The following IGF2BP2 variants were observed in gnomAD, a reference collection of about 807,000 sequenced individuals.
IGF2BP2 encodes insulin-like growth factor 2 mRNA-binding protein 2.
Under a neutral mutation model 75.8 loss-of-function variants are expected in IGF2BP2, and 17 were observed. That is an observed-to-expected ratio of 0.22 (90% CI 0.15 to 0.34). The LOEUF (loss-of-function observed/expected upper bound fraction) is 0.34, where lower values mean the gene tolerates loss of function less well. Ranked by LOEUF, IGF2BP2 falls within the 10% of genes least tolerant of loss-of-function variation. IGF2BP2 has a pLI of 1.00. For synonymous variants in IGF2BP2, 288 were observed against 295.6 expected, an observed-to-expected ratio of 0.97 and a Z score of 0.26; for missense variants, 516 against 772.4, an observed-to-expected ratio of 0.67 and a Z score of 3.93.
At chr3:185,798,690 C>G (rs371530121) in intron 2 of IGF2BP2, among the ~76,000 whole-genome samples, 1 of 151,974 alleles carries the variant, frequency 6.6e-6, no homozygotes, top group African/African-American at 2.4e-5. Context: ...CCTGCTTTTA[C>G]GAGGGAGTTT....
chr3:185,818,570 C>CA (rs1211962289), intron 2 of IGF2BP2, among the ~76,000 whole-genome samples: 1 of 152,148 alleles, frequency 6.6e-6, no homozygotes, highest in Non-Finnish European at 1.5e-5. Context: ...CTGTCCCCAA[C>CA]AAAAAACATA....
intron 2 of IGF2BP2, among the ~76,000 whole-genome samples, chr3:185,761,983 G>C (rs1336893887): frequency 6.6e-6 from 1 of 152,216 alleles, no homozygotes; most frequent in Non-Finnish European, 1.5e-5. Context: ...AACTGCTGTA[G>C]ATATTCTACC....
intron 2 of IGF2BP2, among the ~76,000 whole-genome samples, chr3:185,742,365 G>A (rs772541718): frequency 5.3e-5 from 8 of 152,040 alleles, no homozygotes; most frequent in Non-Finnish European, 7.4e-5. Flanking sequence ...GCATGGTGCC[G>A]GGTGCCCGTA....
At chr3:185,769,158 C>A (rs558781080) in intron 2 of IGF2BP2, among the ~76,000 whole-genome samples, 1 of 152,166 alleles carries the variant, frequency 6.6e-6, no homozygotes, top group East Asian at 1.9e-4. Flanking sequence ...GCCTGGGCAA[C>A]ACAGCAAAAC....
At chr3:185,729,987 G>T (rs1412361485) in intron 2 of IGF2BP2, among the ~76,000 whole-genome samples, 1 of 152,120 alleles carries the variant, frequency 6.6e-6, no homozygotes, top group Non-Finnish European at 1.5e-5. Flanking sequence ...TATTGTTTTG[G>T]TTTTCATGTC....
intron 2 of IGF2BP2, among the ~76,000 whole-genome samples, chr3:185,802,392 A>G (rs903855444): frequency 3.3e-5 from 5 of 152,112 alleles, no homozygotes; most frequent in African/African-American, 4.8e-5. Flanking sequence ...AGTTTGCCCA[A>G]GGTTTCTTTC....
At chr3:185,775,204 A>C (rs1377029555) in intron 2 of IGF2BP2, among the ~76,000 whole-genome samples, 1 of 152,198 alleles carries the variant, frequency 6.6e-6, no homozygotes, top group Non-Finnish European at 1.5e-5. Flanking sequence ...AGCATTTACA[A>C]CAATACCTGC....
chr3:185,751,408 T>C (rs1730947774), intron 2 of IGF2BP2, among the ~76,000 whole-genome samples: 1 of 151,626 alleles, frequency 6.6e-6, no homozygotes, highest in African/African-American at 2.4e-5. Context: ...TAAAACCCCA[T>C]CTCTACTAAA....
At chr3:185,683,290 G>A (rs1026623685) in intron 7 of IGF2BP2, among the ~76,000 whole-genome samples, 1 of 152,228 alleles carries the variant, frequency 6.6e-6, no homozygotes, top group Non-Finnish European at 1.5e-5. Context: ...AGAGGGAAAA[G>A]AGAGTTGTTT....
rs144516117 is a variant in IGF2BP2 at position 185,773,193 on chromosome 3, T to C, written c.239+49960A>G. ...AAAAAGATAGCTGGCCACATTTTTA[T>C]ACCTCCTAGGTGCTATTCTAACTCC... On this transcript the variant is annotated intron_variant, in intron 2 of 15. Coordinates refer to ENST00000382199, the MANE Select transcript of IGF2BP2 (RefSeq NM_006548.6). Among the ~76,000 whole-genome samples the C allele has an allele frequency of 5.2e-3, 785 of 152,320 alleles. 11 individuals carry two copies. The highest frequency in any genetic ancestry group is 0.02 in the Middle Eastern group (6 of 294).
chr3:185,771,004 G>T (rs1442328692), intron 2 of IGF2BP2, among the ~76,000 whole-genome samples: 2 of 152,048 alleles, frequency 1.3e-5, no homozygotes, highest in Non-Finnish European at 2.9e-5. Context: ...TCCCACCTTG[G>T]CTACCCAAAA....
At chr3:185,762,185 C>T (rs1318191077) in intron 2 of IGF2BP2, among the ~76,000 whole-genome samples, 2 of 151,800 alleles carry the variant, frequency 1.3e-5, no homozygotes, top group Non-Finnish European at 2.9e-5. Context: ...GTCAAGAGTT[C>T]GAGAGCAGCC....
intron 10 of IGF2BP2, 43 bp from the exon 11 acceptor site, chr3:185,658,452 G>C (rs1715832598): frequency 1.3e-6 from 2 of 1,554,410 alleles, no homozygotes; most frequent in Non-Finnish European, 1.8e-6. Context: ...TGCTCTCAGG[G>C]ACTGTCACTG....
chr3:185,674,425 G>C (rs771401849), intron 9 of IGF2BP2, among the ~76,000 whole-genome samples: 1 of 152,186 alleles, frequency 6.6e-6, no homozygotes. Flanking sequence ...GACTTTTGCT[G>C]ATGGCCAATT....
chr3:185,768,515 T>C (rs930032614), intron 2 of IGF2BP2, among the ~76,000 whole-genome samples: 1 of 152,200 alleles, frequency 6.6e-6, no homozygotes, highest in Non-Finnish European at 1.5e-5. Flanking sequence ...AAAGGTCCTT[T>C]AATACTACTT....
chr3:185,721,491 GCACCAGGCC>G (rs1359363457), intron 2 of IGF2BP2, among the ~76,000 whole-genome samples: 31 of 152,148 alleles, frequency 2.0e-4, no homozygotes, highest in Non-Finnish European at 3.8e-4. Flanking sequence ...CATAGCCACT[GCACCAGGCC>G]CACTCTTCTT....
chr3:185,783,266 T>C (rs767488339), intron 2 of IGF2BP2, among the ~76,000 whole-genome samples: 1 of 152,202 alleles, frequency 6.6e-6, no homozygotes, highest in East Asian at 1.9e-4. Flanking sequence ...TTACTGAAAA[T>C]AGATTGAAGC....
chr3:185,669,975 C>T (rs1164054066), intron 10 of IGF2BP2, among the ~76,000 whole-genome samples: 1 of 152,166 alleles, frequency 6.6e-6, no homozygotes, highest in Non-Finnish European at 1.5e-5. Flanking sequence ...TGAGGGCCGC[C>T]TCCATGCCAT....
intron 2 of IGF2BP2, among the ~76,000 whole-genome samples, chr3:185,699,732 T>C (rs900898772): frequency 6.6e-6 from 1 of 152,216 alleles, no homozygotes; most frequent in Non-Finnish European, 1.5e-5. Flanking sequence ...AAGGTAGAGT[T>C]AGAGAGCTTC....
Sources: allele counts gnomAD v4.1 joint callset (sites outside exome capture counted in the v4.1 genomes callset), GRCh38; gene constraint gnomAD v4.1.1; transcripts MANE v1.5; gene names NCBI Gene and HGNC (gene_info 2026-07-23, HGNC 2026-07-21).